The following SYNPR variants were observed in gnomAD, a reference collection of about 807,000 sequenced individuals.
SYNPR encodes the protein synaptoporin.
Under a neutral mutation model 32.9 loss-of-function variants are expected in SYNPR, and 23 were observed. The observed-to-expected ratio is 0.70, with a 90% CI of 0.50 to 0.99. SYNPR has a LOEUF of 0.99. Among genes scored for constraint, SYNPR ranks in the 50% least tolerant of loss-of-function variants. The probability of loss-of-function intolerance (pLI) is 0.00; values close to 1 mark genes in which losing one functional copy is unlikely to be tolerated. For missense variants in SYNPR, 318 were observed against 349.3 expected (o/e 0.91, Z 0.71); for synonymous variants, 146 against 135.9 (o/e 1.07, Z -0.52).
the SYNPR span, among the ~76,000 whole-genome samples, chr3:63,210,905 G>C: frequency 2.0e-5 from 3 of 151,272 alleles, no homozygotes; most frequent in Non-Finnish European, 4.4e-5. Flanking sequence ...ATATCACTTT[G>C]GGCAATTCAC....
rs116279326 is a variant in SYNPR, at chr3:63,443,031, G to A, written c.85-37801G>A. On this transcript the variant is annotated intron_variant, in intron 2 of 5. Transcript: ENST00000478300. ...CTTGCAGGAGGAGGGGGCTGGCAGA[G>A]TAAAGGGGAGATGGTGCCTCTGTTG... 401 of 1,003,286 alleles carry A rather than the reference G, an allele frequency of 4.0e-4. 1 individual carries two copies. The African/African-American group carries it at 6.5e-3, about 16-fold the overall frequency. The allele number at this position is 1,003,286 out of a possible 1,614,324, so 62.1% of individuals were successfully genotyped here. A position where few individuals can be genotyped will look rare whatever the true frequency, so the allele number is the denominator to read the frequency against.
intron 3 of SYNPR, among the ~76,000 whole-genome samples, chr3:63,481,743 A>G (rs1701052283): frequency 1.3e-5 from 2 of 152,108 alleles, no homozygotes; most frequent in South Asian, 4.1e-4. Context: ...CAAGTGCATG[A>G]CTTCTGAAAG....
At chr3:63,390,961 T>C (rs1488960176) in intron 2 of SYNPR, among the ~76,000 whole-genome samples, 1 of 152,234 alleles carries the variant, frequency 6.6e-6, no homozygotes, top group Non-Finnish European at 1.5e-5. Context: ...TGATCCCAGC[T>C]GGATACCCAA....
chr3:63,564,700 A>G (rs1229619610), intron 4 of SYNPR, among the ~76,000 whole-genome samples: 4 of 152,170 alleles, frequency 2.6e-5, no homozygotes, highest in African/African-American at 9.7e-5. Context: ...TGTGCTTTCT[A>G]GATGTTTTAT....
At chr3:63,243,237 A>G (rs970854007) in intron 1 of SYNPR, among the ~76,000 whole-genome samples, 1 of 152,080 alleles carries the variant, frequency 6.6e-6, no homozygotes, top group African/African-American at 2.4e-5. Flanking sequence ...TAAATAGCAC[A>G]AAGAAAAACA....
rs1299450335 is a variant in SYNPR at position 63,481,092 on chromosome 3, CCAAA to C, written c.209+139_209+142del. 178 of 1,208,302 alleles carry C rather than the reference CCAAA, an allele frequency of 1.5e-4. 1 individual carries two copies. Among genetic ancestry groups the C allele is most frequent in the East Asian group, 1.4e-3 (57 of 39,866 alleles). 74.8% of individuals were successfully genotyped at this position (1,208,302 alleles called of 1,614,324 possible). A position where few individuals can be genotyped will look rare whatever the true frequency, so the allele number is the denominator to read the frequency against. On this transcript the variant is annotated intron_variant, in intron 3 of 5. Coordinates refer to ENST00000478300, the MANE Select transcript of SYNPR (RefSeq NM_001130003.2). Reference sequence around the variant, plus strand: ...TATTCTGCCTGCACCCACGGAATGCCCAAACACAGTGCCCACTCACCACCTAGTG... The same window carrying C: ...TATTCTGCCTGCACCCACGGAATGCCCACAGTGCCCACTCACCACCTAGTG...
chr3:63,433,785 T>C (rs1377356781), intron 2 of SYNPR, among the ~76,000 whole-genome samples: 1 of 152,028 alleles, frequency 6.6e-6, no homozygotes, highest in Non-Finnish European at 1.5e-5. Context: ...ATTGTAGAAA[T>C]TTTGCCAGCT....
chr3:63,471,548 G>A (rs1042172996), intron 2 of SYNPR, among the ~76,000 whole-genome samples: 1 of 152,206 alleles, frequency 6.6e-6, no homozygotes, highest in African/African-American at 2.4e-5. Flanking sequence ...AGATCAGTAG[G>A]AATGGAACAT....
intron 3 of SYNPR, among the ~76,000 whole-genome samples, chr3:63,541,250 T>C (rs1299031711): frequency 1.3e-5 from 2 of 151,584 alleles, no homozygotes; most frequent in Non-Finnish European, 2.9e-5. Flanking sequence ...TTTTACCTCT[T>C]GGACTCAGTC....
intron 3 of SYNPR, among the ~76,000 whole-genome samples, chr3:63,484,141 T>C (rs950814529): frequency 1.3e-5 from 2 of 152,160 alleles, no homozygotes; most frequent in African/African-American, 4.8e-5. Context: ...CATATCTCCT[T>C]TACAGCACCA....
chr3:63,220,816 T>A, the SYNPR span, among the ~76,000 whole-genome samples: 1 of 152,236 alleles, frequency 6.6e-6, no homozygotes, highest in Non-Finnish European at 1.5e-5. Context: ...TAATAAACTC[T>A]GGCCTTTTCC....
At chr3:63,583,215 A>C (rs1247413051) in intron 4 of SYNPR, among the ~76,000 whole-genome samples, 2 of 151,984 alleles carry the variant, frequency 1.3e-5, no homozygotes, top group African/African-American at 4.8e-5. Flanking sequence ...ATAATGGTGG[A>C]ATGTCATAAG....
At chr3:63,207,374 T>C in the SYNPR span, among the ~76,000 whole-genome samples, 17 of 152,332 alleles carry the variant, frequency 1.1e-4, no homozygotes, top group Middle Eastern at 3.4e-3. Flanking sequence ...CAAGTAGATT[T>C]GAAATCAAGA....
chr3:63,454,436 C>T (rs1700440314), intron 2 of SYNPR, among the ~76,000 whole-genome samples: 1 of 152,132 alleles, frequency 6.6e-6, no homozygotes, highest in Non-Finnish European at 1.5e-5. Context: ...GAATGTGTAA[C>T]TATTGCAGGT....
At chr3:63,576,953 G>T (rs1042635119) in intron 4 of SYNPR, among the ~76,000 whole-genome samples, 1 of 150,662 alleles carries the variant, frequency 6.6e-6, no homozygotes, top group African/African-American at 2.4e-5. Context: ...ACCCCTACAG[G>T]ATACATTTTT....
the SYNPR span, among the ~76,000 whole-genome samples, chr3:63,207,484 T>G: frequency 6.6e-6 from 1 of 152,192 alleles, no homozygotes; most frequent in African/African-American, 2.4e-5. Flanking sequence ...CTAACATGAT[T>G]GAACAATTTG....
At chr3:63,267,517 A>G (rs903463768) in intron 3 of SYNPR, 1 of 152,188 alleles carries the variant, frequency 6.6e-6, no homozygotes, top group African/African-American at 2.4e-5. Context: ...TTAGGATGGG[A>G]AAGGATGGAG....
chr3:63,374,050 T>C (rs895390760), intron 2 of SYNPR, among the ~76,000 whole-genome samples: 5 of 152,208 alleles, frequency 3.3e-5, no homozygotes, highest in Admixed American at 2.6e-4. Context: ...TTGTTACCAC[T>C]GGACCTACCT....
chr3:63,411,508 C>T (rs2088464696), intron 2 of SYNPR, among the ~76,000 whole-genome samples: 2 of 152,052 alleles, frequency 1.3e-5, no homozygotes, highest in African/African-American at 4.8e-5. Context: ...TAACTACAAA[C>T]TGATAATAAA....
Sources: allele counts gnomAD v4.1 joint callset (sites outside exome capture counted in the v4.1 genomes callset), GRCh38; gene constraint gnomAD v4.1.1; transcripts MANE v1.5; gene names NCBI Gene and HGNC (gene_info 2026-07-23, HGNC 2026-07-21).